The following ARHGEF18 variants were observed in gnomAD, a reference collection of about 807,000 sequenced individuals.
ARHGEF18 encodes rho guanine nucleotide exchange factor 18.
In ARHGEF18, 93 loss-of-function variants were observed where a neutral mutation model predicts 155.7. The ratio of observed to expected loss-of-function variants is 0.60; its 90% CI spans 0.50 to 0.71. The LOEUF is 0.71. ARHGEF18 is among the 30% of genes least tolerant of loss of function. The pLI is 0.00. For missense variants in ARHGEF18, 1,593 were observed against 1,816.1 expected, an observed-to-expected ratio of 0.88 and a Z score of 2.23; for synonymous variants, 742 against 753.1, an observed-to-expected ratio of 0.99 and a Z score of 0.24.
chr19:7,395,165 G>A lies in ARHGEF18; in HGVS notation c.967+11962G>A, dbSNP rs921315369. On this transcript the variant is annotated intron_variant, in intron 10 of 28. Coordinates refer to ENST00000668164, the MANE Select transcript of ARHGEF18 (RefSeq NM_001367823.1). The surrounding 1 kb of genome is among the most constrained non-coding windows in gnomAD (Gnocchi z 5.0). ...CAGCTGCTAGCTACTGTGGATCTGG[G>A]GGGGCCGGACGGAGGCATCGGAGGC... 2.0e-6 allele frequency: 2 copies of A among 985,880 alleles called. No individual in the cohort carries two copies. Among genetic ancestry groups the A allele is most frequent in the East Asian group, 1.1e-4 (1 of 8,832 alleles). 61.1% of individuals were successfully genotyped at this position (985,880 alleles called of 1,614,324 possible). A position where few individuals can be genotyped will look rare whatever the true frequency, so the allele number is the denominator to read the frequency against.
At chr19:7,446,046 A>T (rs950834701) in intron 14 of ARHGEF18, among the ~76,000 whole-genome samples, 1 of 152,074 alleles carries the variant, frequency 6.6e-6, no homozygotes, top group East Asian at 1.9e-4. Context: ...CACCTTTATG[A>T]CACCTTGCGA....
At chr19:7,473,727 G>A (rs1043490965), downstream of ARHGEF18, among the ~76,000 whole-genome samples, 21 of 150,796 alleles carry the variant, frequency 1.4e-4, no homozygotes, top group South Asian at 4.2e-4. Flanking sequence ...GGAGAATGGC[G>A]TGAACCCAGG....
At chr19:7,396,187 C>T (rs1012066345) in intron 10 of ARHGEF18, among the ~76,000 whole-genome samples, 1 of 152,126 alleles carries the variant, frequency 6.6e-6, no homozygotes, top group African/African-American at 2.4e-5. Context: ...GAGATTAAAG[C>T]CTGGACCACA....
chr19:7,421,010 C>T (rs1044792811), intron 10 of ARHGEF18, among the ~76,000 whole-genome samples: 8 of 152,048 alleles, frequency 5.3e-5, no homozygotes, highest in Non-Finnish European at 8.8e-5. Context: ...GGCTCACTGC[C>T]GCCTCCACCT....
chr19:7,434,622 A>G (rs1160397982), intron 10 of ARHGEF18, among the ~76,000 whole-genome samples: 3 of 152,204 alleles, frequency 2.0e-5, no homozygotes, highest in Non-Finnish European at 4.4e-5. Flanking sequence ...CCCAAGCACC[A>G]TGGCCGTCTG....
At chr19:7,436,197 C>CTTT in intron 10 of ARHGEF18, among the ~76,000 whole-genome samples, 1 of 78,574 alleles carries the variant, frequency 1.3e-5, no homozygotes, top group Non-Finnish European at 2.5e-5. Context: ...AGCATTTCTT[C>CTTT]TTTTTTTTTT....
At chr19:7,358,159 TTCCATCCATCCA>T (rs72488503) in intron 1 of ARHGEF18, among the ~76,000 whole-genome samples, 1 of 146,926 alleles carries the variant, frequency 6.8e-6, no homozygotes, top group African/African-American at 2.5e-5. Context: ...CCATCCATCC[TTCCATCCATCCA>T]TCCATCCATC....
intron 5 of ARHGEF18, among the ~76,000 whole-genome samples, chr19:7,377,921 C>T (rs1970537228): frequency 6.6e-6 from 1 of 151,984 alleles, no homozygotes; most frequent in Admixed American, 6.6e-5. Context: ...CCCGTCTCTA[C>T]TAAAAATATA....
chr19:7,407,983 A>AAAAAAAAAAAAAAAAC lies in ARHGEF18; in HGVS notation c.967+24784_967+24785insAAAAAAAAAAACAAAA, dbSNP rs1555711562. Reference sequence around the variant, plus strand: ...TCTCAAAAAAAAAAAAAAAAAAAAAAAAAAGAGGTAGTAGGCTGGGTGCAG... The same window carrying AAAAAAAAAAAAAAAAC: ...TCTCAAAAAAAAAAAAAAAAAAAAAAAAAAAAAAAAAAAAACAAAAGAGGTAGTAGGCTGGGTGCAG... On this transcript the variant is annotated intron_variant, in intron 10 of 28. Coordinates refer to ENST00000668164, the MANE Select transcript of ARHGEF18 (RefSeq NM_001367823.1). Among the ~76,000 whole-genome samples, 358 of 141,948 alleles carry AAAAAAAAAAAAAAAAC rather than the reference A, an allele frequency of 2.5e-3. 23 individuals carry two copies. Among genetic ancestry groups the AAAAAAAAAAAAAAAAC allele is most frequent in the African/African-American group, 0.01 (338 of 32,806 alleles). 93.1% of individuals were successfully genotyped at this position (141,948 alleles called of 152,430 possible).
chr19:7,421,136 G>T (rs1321993398), intron 10 of ARHGEF18, among the ~76,000 whole-genome samples: 1 of 70,104 alleles, frequency 1.4e-5, no homozygotes, highest in Admixed American at 1.3e-4. Context: ...CCACTGTGTT[G>T]TCCAGGCTGG....
intron 10 of ARHGEF18, among the ~76,000 whole-genome samples, chr19:7,432,775 T>A (rs185922908): frequency 9.2e-5 from 14 of 152,352 alleles, no homozygotes; most frequent in African/African-American, 3.1e-4. Context: ...GACAGGCAAT[T>A]CTTGCTTACA....
In ARHGEF18 at chr19:7,381,051, C is replaced by T. The variant is rs999951111; in HGVS notation, c.722+57C>T. The T allele has an allele frequency of 5.0e-6, 6 of 1,202,378 alleles. No individual in the cohort carries two copies. The African/African-American group carries it at 6.3e-5, about 13-fold the overall frequency. The allele number at this position is 1,202,378 out of a possible 1,614,324, so 74.5% of individuals were successfully genotyped here. A position where few individuals can be genotyped will look rare whatever the true frequency, so the allele number is the denominator to read the frequency against. ...AGCCTTGGATTCGAACAAGTGTTTA[C>T]AGATGGTCCTTTGGGCCAGACCCCC... On this transcript the variant is annotated intron_variant, in intron 8 of 28. Transcript: ENST00000668164.
intron 1 of ARHGEF18, among the ~76,000 whole-genome samples, chr19:7,351,463 A>G (rs887648853): frequency 6.6e-6 from 1 of 151,340 alleles, no homozygotes; most frequent in Admixed American, 6.6e-5. Context: ...AGCTGGGACT[A>G]CAGGCGCCCG....
At chr19:7,407,295 G>A (rs1054372436) in intron 10 of ARHGEF18, among the ~76,000 whole-genome samples, 5 of 151,492 alleles carry the variant, frequency 3.3e-5, no homozygotes, top group African/African-American at 9.7e-5. Context: ...GTGTGGTGGC[G>A]GGCACCTGTA....
chr19:7,444,180 G>C lies in ARHGEF18; in HGVS notation c.1361-24G>C. Reference sequence around the variant, plus strand: ...GGGGCCGTGGAGCCAGCATGGCTAAGTCCTGCCGTCTGTGTCCCTGCAGAG... The same window carrying C: ...GGGGCCGTGGAGCCAGCATGGCTAACTCCTGCCGTCTGTGTCCCTGCAGAG... On this transcript the variant is annotated intron_variant, in intron 13 of 28. Transcript: ENST00000668164. This position sits in a 1 kb window ranked among gnomAD's most constrained non-coding sequence, Gnocchi z 4.7. The C allele has an allele frequency of 6.2e-7, 1 of 1,607,080 alleles. No individual in the cohort carries two copies. The highest frequency in any genetic ancestry group is 8.5e-7 in the Non-Finnish European group (1 of 1,175,368).
intron 10 of ARHGEF18, among the ~76,000 whole-genome samples, chr19:7,420,084 G>A (rs942602157): frequency 4.8e-4 from 73 of 152,088 alleles, no homozygotes; most frequent in Non-Finnish European, 3.4e-4. Flanking sequence ...GGCCAGCTGA[G>A]CTCTCAGAGA....
At chr19:7,377,785 C>CA (rs60336111) in intron 5 of ARHGEF18, among the ~76,000 whole-genome samples, 7,935 of 103,578 alleles carry the variant, frequency 0.077, 512 homozygotes, top group East Asian at 0.28. Flanking sequence ...GAAACCGTCT[C>CA]AAAAAAAAAA....
In ARHGEF18 at chr19:7,472,019, CTG is replaced by C. The variant is rs1309477528; in HGVS notation, c.*1723_*1724del. ...TATCGGAGCACTTTACAGAAGCTGA[CTG>C]TACATTCCTGTTCTGTTGTGAAGAG... On this transcript the variant is annotated 3_prime_UTR_variant, in exon 29 of 29. Coordinates refer to ENST00000668164, the MANE Select transcript of ARHGEF18 (RefSeq NM_001367823.1). The C allele has an allele frequency of 6.6e-6, 1 of 152,464 alleles. No individual in the cohort carries two copies. The highest frequency in any genetic ancestry group is 1.5e-5 in the Non-Finnish European group (1 of 68,068). The allele number at this position is 152,464 out of a possible 1,614,324, so 9.4% of individuals were successfully genotyped here. A position where few individuals can be genotyped will look rare whatever the true frequency, so the allele number is the denominator to read the frequency against.
chr19:7,479,561 C>G, the ARHGEF18 span, among the ~76,000 whole-genome samples: 3 of 152,226 alleles, frequency 2.0e-5, no homozygotes, highest in African/African-American at 7.2e-5. Context: ...CTCCGGCAGC[C>G]CTGGGCCTTA....
Sources: allele counts gnomAD v4.1 joint callset (sites outside exome capture counted in the v4.1 genomes callset), GRCh38; gene constraint gnomAD v4.1.1; non-coding constraint Gnocchi (gnomAD v3.1); transcripts MANE v1.5; gene names NCBI Gene and HGNC (gene_info 2026-07-23, HGNC 2026-07-21).